Variants in DTNA observed in about 807,000 individuals in gnomAD.
DTNA encodes the protein dystrophin-related protein 3.
In DTNA, 43 loss-of-function variants were observed where a neutral mutation model predicts 100.7. The ratio of observed to expected loss-of-function variants is 0.43; its 90% CI spans 0.33 to 0.55. The LOEUF (loss-of-function observed/expected upper bound fraction) is 0.55. Ranked by LOEUF, DTNA falls within the 20% of genes least tolerant of loss-of-function variation. The pLI, the probability that DTNA is intolerant of heterozygous loss-of-function variation, is 0.04. For synonymous variants in DTNA, 349 were observed against 347.9 expected (o/e 1.00, Z -0.04); for missense variants, 798 against 953.9 (o/e 0.84, Z 2.15).
rs747478654 is a variant in DTNA at position 34,875,267 on chromosome 18, C to T, written c.1772C>T (p.Ser591Phe). 4 of 1,614,016 alleles carry T rather than the reference C, an allele frequency of 2.5e-6. No homozygotes were observed. The highest frequency in any genetic ancestry group is 2.7e-5 in the African/African-American group (2 of 74,930). The change falls in exon 18 of 23, where the codon TCC becomes TTC. Residue 591 changes from serine to phenylalanine, a missense_variant. This residue lies in a region of DTNA where 242 missense variants were observed against 238.2 expected (regional missense o/e 1.02). Transcript: ENST00000444659. ...CAGGGGGCAGGCTCTCCCCGCTCCT[C>T]CCCCAGCCACACCATCAGCAGGCCA... ...KTQGAGSPRSSPSHTISRPIP... is the reference protein window; with the variant it reads ...KTQGAGSPRSFPSHTISRPIP...
rs569579532 is a variant in DTNA at position 34,546,743 on chromosome 18, T to TTTTC, written c.-2+53249_-2+53252dup. ...ATTACCTGCCCTTATTTTTTTGTAA[T>TTTTC]TTTCTTTCTTTCTTTCTTTCTTTTT... On this transcript the variant is annotated intron_variant, in intron 1 of 19. Coordinates refer to the DTNA transcript ENST00000283365. Among the ~76,000 whole-genome samples the TTTTC allele has an allele frequency of 2.6e-3, 388 of 151,888 alleles. 1 individual carries two copies. The highest frequency in any genetic ancestry group is 2.9e-3 in the Non-Finnish European group (196 of 67,926).
At chr18:34,616,068 T>C (rs1016807178) in intron 1 of DTNA, among the ~76,000 whole-genome samples, 1 of 152,254 alleles carries the variant, frequency 6.6e-6, no homozygotes, top group East Asian at 1.9e-4. Flanking sequence ...TGTATCTTTG[T>C]AGTAGAACAA....
chr18:34,825,232 G>C, intron 9 of DTNA: 1 of 1,612,786 alleles, frequency 6.2e-7, no homozygotes, highest in East Asian at 2.2e-5. Context: ...CATGATTAAC[G>C]GTCTCTATTC....
At position 34,543,931 on chromosome 18, in the gene DTNA, G is replaced by T. The variant is rs553092885; in HGVS notation, c.-2+50417G>T. The stretch of plus-strand genomic sequence containing the variant: ...ATCAGGATAGAAAGGTGTGAAGGAA[G>T]GGGGCTGTTTTTGCACGAAATTTTA... On this transcript the variant is annotated intron_variant, in intron 1 of 19. Transcript: ENST00000283365. Among the ~76,000 whole-genome samples, 5 of 152,176 alleles carry T rather than the reference G, an allele frequency of 3.3e-5. No individual in the cohort carries two copies. The South Asian group carries it at 1.0e-3, about 32-fold the overall frequency.
intron 4 of DTNA, among the ~76,000 whole-genome samples, chr18:34,798,847 T>C (rs1458250665): frequency 6.6e-6 from 1 of 152,168 alleles, no homozygotes; most frequent in East Asian, 1.9e-4. Context: ...GTAGAGGAGA[T>C]AGAAAGAGGT....
chr18:34,861,257 G>A (rs1487625155), intron 16 of DTNA, among the ~76,000 whole-genome samples: 1 of 151,878 alleles, frequency 6.6e-6, no homozygotes, highest in Non-Finnish European at 1.5e-5. Context: ...AGTGCGAGGC[G>A]GGCGGATCAC....
chr18:34,646,137 A>T (rs902208529), intron 1 of DTNA, among the ~76,000 whole-genome samples: 1 of 152,192 alleles, frequency 6.6e-6, no homozygotes, highest in South Asian at 2.1e-4. Flanking sequence ...CAATATTTTA[A>T]AAGGTCATCT....
intron 1 of DTNA, among the ~76,000 whole-genome samples, chr18:34,634,716 A>C (rs951956979): frequency 6.6e-6 from 1 of 152,208 alleles, no homozygotes; most frequent in Non-Finnish European, 1.5e-5. Flanking sequence ...TTTAATTAAC[A>C]AATATAAATT....
At chr18:34,601,735 T>A (rs1000526491) in intron 1 of DTNA, among the ~76,000 whole-genome samples, 1 of 152,226 alleles carries the variant, frequency 6.6e-6, no homozygotes, top group South Asian at 2.1e-4. Context: ...GCTGTCTAAA[T>A]CTTTACCATT....
intron 6 of DTNA, 121 bp from the exon 7 acceptor site, chr18:34,815,788 T>C: frequency 1.1e-6 from 1 of 901,438 alleles, no homozygotes; most frequent in East Asian, 2.5e-5. Context: ...GTTCTGTTTC[T>C]TCAGATATTA....
Position 34,673,523 on chromosome 18 carries a change from G to GAA in DTNA, c.-1-82440_-1-82439dup, listed in dbSNP as rs5823950. ...AAAGATACGCAGAGCCAGTCCTTCA[G>GAA]AAAAAAAAAAAAAATGCTGTGCAAG... On this transcript the variant is annotated intron_variant, in intron 1 of 19. Transcript: ENST00000283365. 5.7e-3 allele frequency among the ~76,000 whole-genome samples: 785 copies of GAA among 137,988 alleles called. 8 individuals carry two copies. The highest frequency in any genetic ancestry group is 0.015 in the African/African-American group (576 of 38,528). 90.5% of individuals were successfully genotyped at this position (137,988 alleles called of 152,430 possible). A position where few individuals can be genotyped will look rare whatever the true frequency, so the allele number is the denominator to read the frequency against.
In DTNA at chr18:34,882,161, A is replaced by G; in HGVS notation, c.2255A>G (p.Glu752Gly). 1.2e-6 allele frequency: 2 copies of G among 1,614,082 alleles called. No homozygotes were observed. The highest frequency in any genetic ancestry group is 1.7e-6 in the Non-Finnish European group (2 of 1,179,990). The change falls in exon 21 of 23, where the codon GAG becomes GGG. Residue 752 changes from glutamate to glycine, a missense_variant. Glu to Gly is a moderately conservative substitution (Grantham distance 98). Coordinates refer to ENST00000444659, the MANE Select transcript of DTNA (RefSeq NM_001386795.1). Reference protein sequence around the residue: ...VRQLENELQMEEYLKQKLQDE... With the variant: ...VRQLENELQMGEYLKQKLQDE... Reference sequence around the variant, plus strand: ...CAGCTGGAGAATGAGCTCCAGATGGAGGAATACCTGAAACAGAAGCTGCAA... The same window carrying G: ...CAGCTGGAGAATGAGCTCCAGATGGGGGAATACCTGAAACAGAAGCTGCAA...
At chr18:34,787,577 A>G (rs1183794345) in intron 3 of DTNA, among the ~76,000 whole-genome samples, 1 of 152,200 alleles carries the variant, frequency 6.6e-6, no homozygotes. Context: ...ATCTCTATCT[A>G]GATATAACTA....
chr18:34,727,224 C>T (rs2086917086), intron 1 of DTNA, among the ~76,000 whole-genome samples: 1 of 152,220 alleles, frequency 6.6e-6, no homozygotes, highest in Non-Finnish European at 1.5e-5. Context: ...TACTGTGATC[C>T]TGGGCTGGTG....
At chr18:34,506,016 G>A (rs1048218572) in intron 1 of DTNA, among the ~76,000 whole-genome samples, 1 of 152,162 alleles carries the variant, frequency 6.6e-6, no homozygotes, top group Non-Finnish European at 1.5e-5. Context: ...CAGGTGGGGG[G>A]TAGAAATTAG....
chr18:34,582,479 C>T (rs1487331347), intron 1 of DTNA, among the ~76,000 whole-genome samples: 1 of 152,234 alleles, frequency 6.6e-6, no homozygotes, highest in East Asian at 1.9e-4. Flanking sequence ...AAGACTACAG[C>T]AGCAAGGCCC....
chr18:34,832,145 A>G (rs1318387492), intron 11 of DTNA, among the ~76,000 whole-genome samples: 2 of 152,218 alleles, frequency 1.3e-5, no homozygotes, highest in Non-Finnish European at 2.9e-5. Flanking sequence ...AGTTTTCTTC[A>G]TAGCTAATTT....
At chr18:34,588,394 A>T (rs1050471253) in intron 1 of DTNA, among the ~76,000 whole-genome samples, 1 of 151,684 alleles carries the variant, frequency 6.6e-6, no homozygotes, top group Admixed American at 6.6e-5. Flanking sequence ...CCAACCCCCT[A>T]CCTATAGTGT....
At position 34,594,583 on chromosome 18, in the gene DTNA, T is replaced by C. The variant is rs187954713; in HGVS notation, c.-2+101069T>C. Among the ~76,000 whole-genome samples the C allele has an allele frequency of 9.2e-4, 140 of 152,344 alleles. 1 individual carries two copies. The highest frequency in any genetic ancestry group is 3.2e-3 in the African/African-American group (135 of 41,576). Reference sequence around the variant, plus strand: ...ATAGACCAGATTCTAATGAACTAAGTTGGCTAAACTAGGTACAAACAATGA... The same window carrying C: ...ATAGACCAGATTCTAATGAACTAAGCTGGCTAAACTAGGTACAAACAATGA... On this transcript the variant is annotated intron_variant, in intron 1 of 19. Transcript: ENST00000283365.
Sources: allele counts gnomAD v4.1 joint callset (sites outside exome capture counted in the v4.1 genomes callset), GRCh38; gene constraint gnomAD v4.1.1; regional missense constraint gnomAD v4.1.1; transcripts MANE v1.5; gene names NCBI Gene and HGNC (gene_info 2026-07-23, HGNC 2026-07-21).